The following EIF4G3 variants were observed in gnomAD, a reference collection of about 807,000 sequenced individuals.
EIF4G3 encodes the protein eIF-4-gamma 3.
In EIF4G3, 34 loss-of-function variants were observed where a neutral mutation model predicts 186.4. The ratio of observed to expected loss-of-function variants is 0.18; its 90% CI spans 0.14 to 0.24. The LOEUF is 0.24. Among genes scored for constraint, EIF4G3 ranks in the 10% least tolerant of loss-of-function variants. The pLI is 1.00. For missense variants in EIF4G3, 1,536 were observed against 1,948.5 expected, an observed-to-expected ratio of 0.79 and a Z score of 3.99; for synonymous variants, 673 against 679.5, an observed-to-expected ratio of 0.99 and a Z score of 0.15.
chr1:21,128,093 G>T (rs1215031299), intron 2 of EIF4G3, among the ~76,000 whole-genome samples: 1 of 152,006 alleles, frequency 6.6e-6, no homozygotes, highest in African/African-American at 2.4e-5. Context: ...TGTAGTCCCA[G>T]CTACTCGGGA....
At chr1:20,860,285 G>A in intron 24 of EIF4G3, 100 bp downstream of exon 24, 1 of 1,496,866 alleles carries the variant, frequency 6.7e-7, no homozygotes, top group Non-Finnish European at 9.1e-7. Context: ...TATTCTTTGG[G>A]CTGTTCTTTC....
chr1:21,130,608 G>T lies in EIF4G3; in HGVS notation c.-271-41395C>A, dbSNP rs559291133. 7.9e-5 allele frequency among the ~76,000 whole-genome samples: 12 copies of T among 152,156 alleles called. No individual in the cohort carries two copies. In the South Asian group the frequency reaches 1.7e-3, roughly 21 times the overall value. On this transcript the variant is annotated intron_variant, in intron 2 of 36. Transcript: ENST00000602326. ...CCAAACATAAATGCTACTTATCTCA[G>T]TCTCTACTGTTCTTCTATACAATGT... is the stretch of plus-strand genomic sequence containing the variant.
At chr1:21,063,706 G>C (rs1464095336) in intron 3 of EIF4G3, among the ~76,000 whole-genome samples, 4 of 15,224 alleles carry the variant, frequency 2.6e-4, no homozygotes, top group Admixed American at 8.3e-4. Context: ...TTTTCATTTT[G>C]GGGGGGGGGG....
chr1:20,990,512 G>T (rs1266754691), intron 7 of EIF4G3, among the ~76,000 whole-genome samples: 2 of 152,008 alleles, frequency 1.3e-5, no homozygotes, highest in Non-Finnish European at 2.9e-5. Flanking sequence ...GTCTCTACCA[G>T]AAATACAAAA....
intron 4 of EIF4G3, among the ~76,000 whole-genome samples, chr1:21,042,866 T>C (rs1259501998): frequency 6.6e-6 from 1 of 152,226 alleles, no homozygotes; most frequent in Non-Finnish European, 1.5e-5. Context: ...AAAACTTACC[T>C]GTTCTGTTTC....
intron 4 of EIF4G3, among the ~76,000 whole-genome samples, chr1:21,032,780 T>A (rs1040966627): frequency 1.3e-5 from 2 of 151,370 alleles, no homozygotes; most frequent in African/African-American, 2.4e-5. Context: ...AAATAGCTTT[T>A]AAAAAAAACG....
intron 33 of EIF4G3, among the ~76,000 whole-genome samples, chr1:20,820,880 T>TG (rs2062179062): frequency 6.6e-6 from 1 of 152,020 alleles, no homozygotes; most frequent in Admixed American, 6.5e-5. Context: ...GACCTGCCTG[T>TG]GGAGAGGAGC....
intron 29 of EIF4G3, among the ~76,000 whole-genome samples, chr1:20,843,853 G>A (rs976900558): frequency 3.3e-5 from 5 of 152,026 alleles, no homozygotes; most frequent in African/African-American, 9.7e-5. Context: ...TCTCCTCTAC[G>A]TGTCCATGTG....
chr1:20,962,541 T>C (rs34268232), intron 12 of EIF4G3, among the ~76,000 whole-genome samples: 4,176 of 152,284 alleles, frequency 0.027, 88 homozygotes, highest in Non-Finnish European at 0.038. Context: ...AAAGTTGATA[T>C]CAAGCAACTC....
intron 4 of EIF4G3, among the ~76,000 whole-genome samples, chr1:21,017,251 C>A (rs1367849804): frequency 3.3e-5 from 5 of 152,114 alleles, no homozygotes; most frequent in Admixed American, 3.3e-4. Flanking sequence ...CTATGAGGTA[C>A]CGACACCATG....
At chr1:21,018,065 A>G (rs1197514111) in intron 4 of EIF4G3, among the ~76,000 whole-genome samples, 4 of 151,902 alleles carry the variant, frequency 2.6e-5, no homozygotes, top group Non-Finnish European at 4.4e-5. Flanking sequence ...CTGCCTCCCA[A>G]GTAGTTGTGA....
At chr1:21,113,724 T>A (rs1016658696) in intron 2 of EIF4G3, among the ~76,000 whole-genome samples, 5 of 152,132 alleles carry the variant, frequency 3.3e-5, no homozygotes, top group African/African-American at 1.2e-4. Flanking sequence ...GTATCAAAAA[T>A]CTTATCTGGG....
chr1:21,142,309 G>A (rs2097354562), intron 2 of EIF4G3, among the ~76,000 whole-genome samples: 1 of 151,272 alleles, frequency 6.6e-6, no homozygotes, highest in Non-Finnish European at 1.5e-5. Flanking sequence ...AGACCAGCCT[G>A]GGCAACATGA....
chr1:20,817,738 T>G (rs1331118548), intron 33 of EIF4G3, among the ~76,000 whole-genome samples, 200 bp from the exon 34 acceptor site: 2 of 145,854 alleles, frequency 1.4e-5, no homozygotes, highest in African/African-American at 5.1e-5. Flanking sequence ...CAGGCTGGAG[T>G]AGTTTGGCTT....
chr1:20,965,253 T>G (rs960525373), intron 12 of EIF4G3, among the ~76,000 whole-genome samples: 16 of 152,162 alleles, frequency 1.1e-4, no homozygotes, highest in African/African-American at 3.9e-4. Context: ...AGCAAACTCA[T>G]TATATCCCGC....
intron 7 of EIF4G3, among the ~76,000 whole-genome samples, chr1:20,986,622 G>A (rs1366500003): frequency 2.6e-5 from 4 of 151,646 alleles, no homozygotes; most frequent in Non-Finnish European, 2.9e-5. Flanking sequence ...GGTGGCATGC[G>A]CCTGTAGTCC....
At chr1:20,905,960 T>C (rs987865165) in intron 14 of EIF4G3, among the ~76,000 whole-genome samples, 6 of 152,182 alleles carry the variant, frequency 3.9e-5, no homozygotes, top group African/African-American at 1.2e-4. Flanking sequence ...GGTATGACAG[T>C]AGAACGTGCA....
At chr1:20,807,597 T>C (rs1318429048) in intron 36 of EIF4G3, 97 bp from the exon 37 acceptor site, 2 of 1,108,872 alleles carry the variant, frequency 1.8e-6, no homozygotes, top group Non-Finnish European at 2.4e-6. Flanking sequence ...TAAATGTGCA[T>C]TAATTCCCCC....
At chr1:21,031,861 T>C (rs928863482) in intron 4 of EIF4G3, among the ~76,000 whole-genome samples, 1 of 152,192 alleles carries the variant, frequency 6.6e-6, no homozygotes. Flanking sequence ...GACTTAAATA[T>C]ACAAGTGGCA....
Sources: gnomAD v4.1 joint callset for allele counts (sites outside exome capture counted in the v4.1 genomes callset) on GRCh38, gnomAD v4.1.1 for gene constraint, MANE v1.5 for transcripts, NCBI Gene and HGNC (gene_info 2026-07-23, HGNC 2026-07-21) for gene names.